Variants in OPCML observed in about 807,000 individuals in gnomAD.
OPCML encodes opioid binding protein/cell adhesion molecule like.
Under a neutral mutation model 37.8 loss-of-function variants are expected in OPCML, and 13 were observed. That is an observed-to-expected ratio of 0.34 (90% confidence interval 0.22 to 0.55). The LOEUF (loss-of-function observed/expected upper bound fraction) is 0.55, where lower values mean the gene tolerates loss of function less well. Ranked by LOEUF, OPCML falls within the 20% of genes least tolerant of loss-of-function variation. OPCML has a pLI of 0.91. For missense variants in OPCML, 341 were observed against 435.6 expected, an observed-to-expected ratio of 0.78 and a Z score of 1.93; for synonymous variants, 176 against 168.8, an observed-to-expected ratio of 1.04 and a Z score of -0.33.
intron 2 of OPCML, among the ~76,000 whole-genome samples, chr11:132,704,172 G>A (rs1943942100): frequency 6.6e-6 from 1 of 152,042 alleles, no homozygotes; most frequent in South Asian, 2.1e-4. Context: ...GTGTCTACAG[G>A]AACCTAAAAC....
At chr11:132,676,302 C>T (rs968884524) in intron 2 of OPCML, among the ~76,000 whole-genome samples, 1 of 152,038 alleles carries the variant, frequency 6.6e-6, no homozygotes, top group Non-Finnish European at 1.5e-5. Flanking sequence ...CAATATGTAT[C>T]AAAACCCTAA....
intron 3 of OPCML, among the ~76,000 whole-genome samples, chr11:132,593,417 G>A (rs566108997): frequency 1.3e-5 from 2 of 152,258 alleles, no homozygotes; most frequent in East Asian, 3.9e-4. Flanking sequence ...TGTAGACCAT[G>A]GCAAGGAGCG....
At chr11:132,491,924 A>T (rs1479078171) in intron 4 of OPCML, among the ~76,000 whole-genome samples, 2 of 133,266 alleles carry the variant, frequency 1.5e-5, no homozygotes, top group East Asian at 2.2e-4. Flanking sequence ...GACATACCTA[A>T]TTTTTTTTTT....
At chr11:133,460,207 G>C (rs374040719) in intron 1 of OPCML, among the ~76,000 whole-genome samples, 78 of 151,882 alleles carry the variant, frequency 5.1e-4, no homozygotes, top group African/African-American at 1.8e-3. Context: ...AAACTTATGA[G>C]ATGTAGGAAA....
At chr11:133,531,052 A>C (rs1163654990) in intron 1 of OPCML, among the ~76,000 whole-genome samples, 1 of 152,232 alleles carries the variant, frequency 6.6e-6, no homozygotes, top group African/African-American at 2.4e-5. Flanking sequence ...TTTAGGTTTA[A>C]GCTAATGTTT....
At chr11:132,833,371 C>T (rs779336302) in intron 2 of OPCML, among the ~76,000 whole-genome samples, 2 of 151,808 alleles carry the variant, frequency 1.3e-5, no homozygotes, top group East Asian at 1.9e-4. Flanking sequence ...CCTTCACCTC[C>T]GTATCTCATC....
rs191478005 is a variant in OPCML at position 133,364,781 on chromosome 11, T to C, written c.61+167483A>G. ...GTGAGAACTCTGAATTTTTTCAAAA[T>C]GAATATATTTTTTAAAAAGCGGATT... On this transcript the variant is annotated intron_variant, in intron 1 of 7. Transcript: ENST00000524381. Among the ~76,000 whole-genome samples, 46 of 152,224 alleles carry C rather than the reference T, an allele frequency of 3.0e-4. No homozygotes were observed. The East Asian group carries it at 8.7e-3, about 29-fold the overall frequency.
intron 2 of OPCML, among the ~76,000 whole-genome samples, chr11:132,920,640 C>T (rs948082919): frequency 5.3e-5 from 8 of 152,128 alleles, no homozygotes; most frequent in African/African-American, 1.9e-4. Flanking sequence ...AGGCGCTTTA[C>T]GAGCCCTTCT....
At chr11:133,473,611 C>G (rs141183622) in intron 1 of OPCML, among the ~76,000 whole-genome samples, 5 of 152,190 alleles carry the variant, frequency 3.3e-5, no homozygotes, top group Middle Eastern at 6.8e-3. Context: ...GAGAGGGGAG[C>G]CGTCTTGAGA....
At chr11:133,154,505 G>T (rs1379511179) in intron 1 of OPCML, among the ~76,000 whole-genome samples, 2 of 151,772 alleles carry the variant, frequency 1.3e-5, no homozygotes, top group East Asian at 3.9e-4. Flanking sequence ...AAGTTTCATT[G>T]GGGAAAAGGT....
At chr11:133,297,267 A>T (rs1428839001) in intron 1 of OPCML, 1 of 152,198 alleles carries the variant, frequency 6.6e-6, no homozygotes, top group African/African-American at 2.4e-5. Flanking sequence ...TTCCACTGAG[A>T]TTATCTATTT....
chr11:133,175,023 G>A (rs116128171), intron 1 of OPCML, among the ~76,000 whole-genome samples: 1 of 152,164 alleles, frequency 6.6e-6, no homozygotes, highest in South Asian at 2.1e-4. Flanking sequence ...AGGATCACTT[G>A]AGCCTAAGAG....
chr11:132,746,274 T>C (rs1945632042), intron 2 of OPCML, among the ~76,000 whole-genome samples: 1 of 152,198 alleles, frequency 6.6e-6, no homozygotes, highest in Non-Finnish European at 1.5e-5. Flanking sequence ...AAAAGACCTC[T>C]GGTTATTTTT....
At chr11:132,480,480 C>A (rs557709542) in intron 4 of OPCML, among the ~76,000 whole-genome samples, 1 of 152,292 alleles carries the variant, frequency 6.6e-6, no homozygotes, top group Admixed American at 6.5e-5. Flanking sequence ...CCCAATCTAG[C>A]AAGGCAGGCC....
chr11:133,350,443 A>G (rs1944109481), intron 1 of OPCML, among the ~76,000 whole-genome samples: 1 of 152,188 alleles, frequency 6.6e-6, no homozygotes, highest in Non-Finnish European at 1.5e-5. Flanking sequence ...CATCAGTAAG[A>G]TGTGAGAAAG....
intron 4 of OPCML, among the ~76,000 whole-genome samples, chr11:132,511,472 A>T (rs1009395202): frequency 6.6e-6 from 1 of 152,116 alleles, no homozygotes; most frequent in Non-Finnish European, 1.5e-5. Context: ...ACTATTTTGA[A>T]AAAAACAAGT....
chr11:133,381,915 G>C (rs1466016860), intron 1 of OPCML, among the ~76,000 whole-genome samples: 1 of 152,208 alleles, frequency 6.6e-6, no homozygotes, highest in Non-Finnish European at 1.5e-5. Context: ...ACCCTCAGCT[G>C]CTCCTGTCCC....
At chr11:133,331,194 C>T (rs1038957354) in intron 1 of OPCML, among the ~76,000 whole-genome samples, 1 of 152,190 alleles carries the variant, frequency 6.6e-6, no homozygotes, top group South Asian at 2.1e-4. Context: ...GGAGTGGCCC[C>T]GTAGAGTCAG....
intron 1 of OPCML, among the ~76,000 whole-genome samples, chr11:133,411,375 T>G (rs541977350): frequency 2.0e-5 from 3 of 152,328 alleles, no homozygotes; most frequent in African/African-American, 7.2e-5. Context: ...TTTGAAAACA[T>G]GATCAAGCAT....
Sources: allele counts gnomAD v4.1 joint callset (sites outside exome capture counted in the v4.1 genomes callset), GRCh38; gene constraint gnomAD v4.1.1; transcripts MANE v1.5; gene names NCBI Gene and HGNC (gene_info 2026-07-23, HGNC 2026-07-21).